Variants in LINGO2 observed in about 807,000 individuals in gnomAD.
LINGO2 encodes leucine rich repeat and Ig domain containing 2.
LINGO2 carries 14 observed loss-of-function variants against 30.6 expected under a neutral mutation model. The ratio of observed to expected loss-of-function variants is 0.46; its 90% CI spans 0.30 to 0.72. The LOEUF (loss-of-function observed/expected upper bound fraction) is 0.72. Ranked by LOEUF, LINGO2 falls within the 30% of genes least tolerant of loss-of-function variation. The pLI is 0.07. For synonymous variants in LINGO2, 317 were observed against 288.5 expected (o/e 1.10, Z -1.00); for missense variants, 729 against 751.7 (o/e 0.97, Z 0.35).
chr9:28,351,680 A>T (rs920464419), intron 3 of LINGO2, among the ~76,000 whole-genome samples: 10 of 150,442 alleles, frequency 6.6e-5, no homozygotes, highest in African/African-American at 2.4e-4. Context: ...TACCAAAGCC[A>T]GGCAGAGACA....
At chr9:29,018,033 TATAGAGAG>T in the LINGO2 span, among the ~76,000 whole-genome samples, 1 of 97,056 alleles carries the variant, frequency 1.0e-5, no homozygotes, top group Non-Finnish European at 2.3e-5. Flanking sequence ...CATATATATA[TATAGAGAG>T]AGAGAGATCT....
At chr9:28,512,591 G>GTATATATA (rs1262344382) in intron 1 of LINGO2, among the ~76,000 whole-genome samples, 60 of 15,788 alleles carry the variant, frequency 3.8e-3, no homozygotes, top group African/African-American at 6.7e-3. Flanking sequence ...ATATATATGT[G>GTATATATA]TGTATATATA....
intron 4 of LINGO2, among the ~76,000 whole-genome samples, chr9:28,186,530 TAA>T (rs1486741593): frequency 2.6e-5 from 4 of 152,016 alleles, no homozygotes; most frequent in Admixed American, 1.3e-4. Context: ...TGCAAAAATA[TAA>T]GAGTGTTTAT....
the LINGO2 span, among the ~76,000 whole-genome samples, chr9:28,824,242 G>C: frequency 6.6e-6 from 1 of 152,156 alleles, no homozygotes. Context: ...CTTGAAGGAA[G>C]TGGATTATAA....
chr9:28,616,022 T>C (rs1480169497), intron 1 of LINGO2, among the ~76,000 whole-genome samples: 1 of 152,024 alleles, frequency 6.6e-6, no homozygotes, highest in African/African-American at 2.4e-5. Flanking sequence ...GATTATTGAT[T>C]GGGAGGCAGA....
At chr9:28,872,197 T>C in the LINGO2 span, among the ~76,000 whole-genome samples, 3 of 152,070 alleles carry the variant, frequency 2.0e-5, no homozygotes. Context: ...AAATATCTAT[T>C]GTGTTTTAAT....
rs992359911 is a variant in LINGO2, at chr9:28,050,691, A to G, written c.-86-38286T>C. On this transcript the variant is annotated intron_variant, in intron 4 of 5. Transcript: ENST00000379992. ...TTAGGTGTACCATTGCTTCGTGGTT[A>G]TGTAGAAGAGCCCAGGCATTCCACT... 8.6e-5 allele frequency among the ~76,000 whole-genome samples: 13 copies of G among 150,962 alleles called. 1 individual carries two copies. Among genetic ancestry groups the G allele is most frequent in the African/African-American group, 3.2e-4 (13 of 40,894 alleles).
intron 4 of LINGO2, among the ~76,000 whole-genome samples, chr9:28,248,229 G>A (rs1412762027): frequency 6.6e-6 from 1 of 152,156 alleles, no homozygotes; most frequent in Non-Finnish European, 1.5e-5. Flanking sequence ...CAGATGAAAG[G>A]ATGGAGGAAA....
Position 28,615,343 on chromosome 9 carries a change from C to T in LINGO2, c.-365+54857G>A, listed in dbSNP as rs117342444. Among the ~76,000 whole-genome samples, 8 of 152,242 alleles carry T rather than the reference C, an allele frequency of 5.3e-5. No homozygotes were observed. In the East Asian group the frequency reaches 1.2e-3, roughly 22 times the overall value. The stretch of plus-strand genomic sequence containing the variant: ...TGAGAAAACAGGATATAAACGCCTA[C>T]GCAAGTCCAATAAACAGATCTCAGA... On this transcript the variant is annotated intron_variant, in intron 1 of 5. Transcript: ENST00000379992.
At chr9:28,757,379 T>G in the LINGO2 span, among the ~76,000 whole-genome samples, 2 of 152,012 alleles carry the variant, frequency 1.3e-5, no homozygotes, top group Non-Finnish European at 2.9e-5. Context: ...AGAATGAGAC[T>G]TTTATATCAC....
chr9:28,708,484 T>C, the LINGO2 span, among the ~76,000 whole-genome samples: 1 of 152,080 alleles, frequency 6.6e-6, no homozygotes, highest in African/African-American at 2.4e-5. Flanking sequence ...ATAAGCAGTT[T>C]CAAGGCTGAT....
intron 3 of LINGO2, among the ~76,000 whole-genome samples, chr9:28,361,372 G>A (rs1373745659): frequency 6.6e-6 from 1 of 152,066 alleles, no homozygotes; most frequent in East Asian, 1.9e-4. Context: ...TATTATCTGT[G>A]GCCAGGCATC....
intron 5 of LINGO2, among the ~76,000 whole-genome samples, chr9:27,998,514 C>T (rs1195718179): frequency 1.3e-5 from 2 of 152,142 alleles, no homozygotes; most frequent in Admixed American, 1.3e-4. Context: ...CACGGTGGCT[C>T]ATGCCTGTAA....
chr9:28,607,019 A>AAACATTC (rs1825722240), intron 1 of LINGO2, among the ~76,000 whole-genome samples: 1 of 152,092 alleles, frequency 6.6e-6, no homozygotes, highest in Admixed American at 6.6e-5. Context: ...AAATCAATTG[A>AAACATTC]AACATTCAGT....
downstream of LINGO2, chr9:27,943,107 TATTA>T (rs978376888): frequency 1.3e-5 from 2 of 152,184 alleles, no homozygotes; most frequent in African/African-American, 4.8e-5. Flanking sequence ...ATCTCCTGTT[TATTA>T]TTTATCTTAT....
At chr9:29,190,821 G>C in the LINGO2 span, among the ~76,000 whole-genome samples, 1 of 152,150 alleles carries the variant, frequency 6.6e-6, no homozygotes, top group African/African-American at 2.4e-5. Flanking sequence ...CCAATTAACT[G>C]GTATGGCATT....
the LINGO2 span, among the ~76,000 whole-genome samples, chr9:28,917,655 G>C: frequency 6.6e-6 from 1 of 151,970 alleles, no homozygotes; most frequent in Non-Finnish European, 1.5e-5. Context: ...ATCCTTTTCA[G>C]TGTCCTGGAT....
At chr9:28,325,071 T>TCTCCCTCTC (rs1347983283) in intron 3 of LINGO2, among the ~76,000 whole-genome samples, 2 of 151,552 alleles carry the variant, frequency 1.3e-5, no homozygotes, top group Non-Finnish European at 2.9e-5. Flanking sequence ...TCTCTCCTTC[T>TCTCCCTCTC]CTCCCTCTCC....
the LINGO2 span, among the ~76,000 whole-genome samples, chr9:29,001,091 A>ATGTGTGTG: frequency 2.0e-5 from 3 of 150,712 alleles, no homozygotes; most frequent in African/African-American, 4.9e-5. Flanking sequence ...GTATATTTGT[A>ATGTGTGTG]TGTGTGTGTG....
Sources: gnomAD v4.1 joint callset for allele counts (sites outside exome capture counted in the v4.1 genomes callset) on GRCh38, gnomAD v4.1.1 for gene constraint, MANE v1.5 for transcripts, NCBI Gene and HGNC (gene_info 2026-07-23, HGNC 2026-07-21) for gene names.